ZBTB7C: variants seen among roughly 807,000 people sequenced by gnomAD.
ZBTB7C encodes the protein zinc finger and BTB domain-containing protein 7C.
A neutral mutation model predicts 25.7 loss-of-function variants in ZBTB7C; 8 were observed. That is an observed-to-expected ratio of 0.31 (90% CI 0.18 to 0.56). The LOEUF is 0.56. Ranked by LOEUF, ZBTB7C falls within the 20% of genes least tolerant of loss-of-function variation. The pLI is 0.91. For synonymous variants in ZBTB7C, 394 were observed against 369.0 expected, an observed-to-expected ratio of 1.07 and a Z score of -0.78; for missense variants, 824 against 855.2, an observed-to-expected ratio of 0.96 and a Z score of 0.46.
chr18:48,286,369 A>G (rs1285116582), intron 2 of ZBTB7C, among the ~76,000 whole-genome samples: 1 of 152,164 alleles, frequency 6.6e-6, no homozygotes, highest in African/African-American at 2.4e-5. Context: ...GATAACTCAG[A>G]AAAATCATCT....
At chr18:48,092,129 G>A (rs1002944730) in intron 3 of ZBTB7C, among the ~76,000 whole-genome samples, 2 of 152,224 alleles carry the variant, frequency 1.3e-5, no homozygotes, top group African/African-American at 4.8e-5. Flanking sequence ...TTTCTCCATA[G>A]TGGGTCGACA....
At chr18:48,360,590 A>G (rs1350412474) in intron 1 of ZBTB7C, among the ~76,000 whole-genome samples, 1 of 152,086 alleles carries the variant, frequency 6.6e-6, no homozygotes, top group African/African-American at 2.4e-5. Flanking sequence ...GAGGGAGAGA[A>G]CACGGTAAGG....
At chr18:48,369,923 C>T (rs2047346577) in intron 1 of ZBTB7C, among the ~76,000 whole-genome samples, 1 of 152,070 alleles carries the variant, frequency 6.6e-6, no homozygotes, top group Non-Finnish European at 1.5e-5. Context: ...AACACTCAAC[C>T]CAACAACAGC....
At chr18:48,343,292 T>C (rs1453096768) in intron 1 of ZBTB7C, among the ~76,000 whole-genome samples, 1 of 152,142 alleles carries the variant, frequency 6.6e-6, no homozygotes, top group Admixed American at 6.5e-5. Flanking sequence ...ATTTCCTAAT[T>C]TTAAGGATTG....
At chr18:48,395,017 T>TCCAAG (rs2047987973) in intron 1 of ZBTB7C, among the ~76,000 whole-genome samples, 1 of 152,100 alleles carries the variant, frequency 6.6e-6, no homozygotes, top group Admixed American at 6.6e-5. Context: ...AACTGACTCT[T>TCCAAG]AATGTGCTGT....
chr18:48,159,843 C>T (rs1248516655), intron 3 of ZBTB7C, among the ~76,000 whole-genome samples: 2 of 152,286 alleles, frequency 1.3e-5, no homozygotes, highest in South Asian at 2.1e-4. Flanking sequence ...GTTCACAGAG[C>T]GCTGGGCAGC....
intron 1 of ZBTB7C, among the ~76,000 whole-genome samples, chr18:48,369,526 T>C (rs1452029322): frequency 6.6e-6 from 1 of 151,906 alleles, no homozygotes; most frequent in Non-Finnish European, 1.5e-5. Flanking sequence ...AATAACAATA[T>C]AGGCAGGTTA....
intron 3 of ZBTB7C, among the ~76,000 whole-genome samples, chr18:48,133,877 A>C (rs2040063787): frequency 2.0e-5 from 3 of 152,100 alleles, no homozygotes. Context: ...CCCTGGCCCA[A>C]CCTGTAGGGC....
At chr18:48,229,298 G>T (rs1484325118) in intron 2 of ZBTB7C, among the ~76,000 whole-genome samples, 1 of 152,126 alleles carries the variant, frequency 6.6e-6, no homozygotes, top group Non-Finnish European at 1.5e-5. Flanking sequence ...CCATGGTTGT[G>T]TGGTTTCTAA....
At chr18:48,404,948 G>T (rs1363991800) in intron 1 of ZBTB7C, among the ~76,000 whole-genome samples, 2 of 152,216 alleles carry the variant, frequency 1.3e-5, no homozygotes, top group African/African-American at 4.8e-5. Context: ...AGCCACAGCT[G>T]TCCAGCCCTG....
chr18:48,064,204 G>A (rs1316925686), intron 3 of ZBTB7C, among the ~76,000 whole-genome samples: 2 of 152,214 alleles, frequency 1.3e-5, no homozygotes, highest in East Asian at 1.9e-4. Flanking sequence ...AGAGTGTGAT[G>A]CCATCCACCT....
chr18:48,143,210 GACTTGC>G (rs2144844370), intron 3 of ZBTB7C, among the ~76,000 whole-genome samples: 1 of 152,256 alleles, frequency 6.6e-6, no homozygotes, highest in African/African-American at 2.4e-5. Flanking sequence ...GTGGGGAGGT[GACTTGC>G]CTGAGGTCAC....
chr18:48,068,090 G>A (rs375869477), intron 3 of ZBTB7C, among the ~76,000 whole-genome samples: 23 of 150,950 alleles, frequency 1.5e-4, no homozygotes, highest in African/African-American at 4.4e-4. Flanking sequence ...TGACTAATAC[G>A]ACTTGGTTAG....
intron 3 of ZBTB7C, among the ~76,000 whole-genome samples, chr18:48,123,750 T>A (rs925287661): frequency 6.6e-6 from 1 of 152,238 alleles, no homozygotes; most frequent in African/African-American, 2.4e-5. Context: ...CTGAGCAGTA[T>A]AAGAATGGTG....
intron 3 of ZBTB7C, chr18:48,041,327 A>G (rs1219724123): frequency 1.0e-6 from 1 of 984,922 alleles, no homozygotes; most frequent in Non-Finnish European, 1.2e-6. Context: ...GACCCCTAAG[A>G]CTCTTAGGGA....
chr18:48,276,512 C>T (rs534603428), intron 2 of ZBTB7C, among the ~76,000 whole-genome samples: 1 of 120,666 alleles, frequency 8.3e-6, no homozygotes, highest in East Asian at 2.6e-4. Context: ...CATGTGATCT[C>T]ATTGTTCAAT....
chr18:48,390,861 T>C (rs1034862825), intron 1 of ZBTB7C, among the ~76,000 whole-genome samples: 10 of 152,224 alleles, frequency 6.6e-5, no homozygotes, highest in Admixed American at 5.2e-4. Context: ...CCCTCTCCTC[T>C]GCCTGAGGGC....
intron 3 of ZBTB7C, among the ~76,000 whole-genome samples, chr18:48,174,386 T>G (rs964328395): frequency 2.6e-5 from 4 of 152,236 alleles, no homozygotes; most frequent in African/African-American, 9.6e-5. Context: ...AAAATTATAA[T>G]GAGATAACAT....
chr18:48,408,941 C>T (rs2048344676), intron 1 of ZBTB7C, among the ~76,000 whole-genome samples: 1 of 151,140 alleles, frequency 6.6e-6, no homozygotes, highest in African/African-American at 2.4e-5. Context: ...CTCCCTCCTC[C>T]CGCCTCCTCC....
Sources: gnomAD v4.1 joint callset for allele counts (sites outside exome capture counted in the v4.1 genomes callset) on GRCh38, gnomAD v4.1.1 for gene constraint, MANE v1.5 for transcripts, NCBI Gene and HGNC (gene_info 2026-07-23, HGNC 2026-07-21) for gene names.